Variants in EYS observed in about 807,000 individuals in gnomAD.
The protein encoded by EYS is EGF-like photoreceptor maintenance factor.
A neutral mutation model predicts 282.1 loss-of-function variants in EYS; 250 were observed. The observed-to-expected ratio is 0.89, with a 90% CI of 0.80 to 0.98. The LOEUF is 0.98. Among genes scored for constraint, EYS ranks in the 50% least tolerant of loss-of-function variants. The pLI, the probability that EYS is intolerant of heterozygous loss-of-function variation, is 0.00. For synonymous variants in EYS, 1,355 were observed against 1,282.9 expected, an observed-to-expected ratio of 1.06 and a Z score of -1.20; for missense variants, 4,016 against 3,709.0, an observed-to-expected ratio of 1.08 and a Z score of -2.15.
At chr6:64,045,979 C>T (rs148854890) in intron 33 of EYS, among the ~76,000 whole-genome samples, 11 of 131,962 alleles carry the variant, frequency 8.3e-5, no homozygotes, top group South Asian at 2.5e-4. Flanking sequence ...ATCTATAATA[C>T]GTATGTATTA....
At chr6:64,483,295 C>T (rs1374760535) in intron 26 of EYS, among the ~76,000 whole-genome samples, 1 of 151,624 alleles carries the variant, frequency 6.6e-6, no homozygotes, top group Non-Finnish European at 1.5e-5. Flanking sequence ...CCTGCTGTCT[C>T]CCCTTCAAGG....
At chr6:65,415,891 A>C (rs1014457557) in intron 5 of EYS, among the ~76,000 whole-genome samples, 3 of 152,048 alleles carry the variant, frequency 2.0e-5, no homozygotes, top group African/African-American at 7.2e-5. Context: ...GCAATTAGTG[A>C]ATATATGAGA....
At chr6:64,384,968 G>A (rs921263867) in intron 29 of EYS, among the ~76,000 whole-genome samples, 1 of 152,156 alleles carries the variant, frequency 6.6e-6, no homozygotes, top group South Asian at 2.1e-4. Flanking sequence ...AGGGGTGAGA[G>A]CATAAATGTA....
chr6:65,680,322 C>T (rs1443001725), intron 1 of EYS, among the ~76,000 whole-genome samples: 1 of 151,854 alleles, frequency 6.6e-6, no homozygotes, highest in African/African-American at 2.4e-5. Context: ...AAAGTTCCAA[C>T]CACTTTCAAC....
At chr6:65,397,586 GTGTGTGTGT>G (rs1766333144) in intron 7 of EYS, among the ~76,000 whole-genome samples, 2 of 466 alleles carry the variant, frequency 4.3e-3, no homozygotes, top group South Asian at 0.1. Context: ...ATTTCATGGT[GTGTGTGTGT>G]GTGTGTGTGT....
chr6:63,966,202 A>C (rs551544799), intron 35 of EYS, among the ~76,000 whole-genome samples: 3 of 152,340 alleles, frequency 2.0e-5, no homozygotes, highest in Non-Finnish European at 2.9e-5. Context: ...AAATGAATGA[A>C]CAACATTTGC....
intron 22 of EYS, among the ~76,000 whole-genome samples, chr6:64,689,558 A>T (rs568543717): frequency 6.6e-6 from 1 of 152,208 alleles, no homozygotes; most frequent in East Asian, 1.9e-4. Flanking sequence ...GAGGCATCAC[A>T]CTACCTGACT....
At chr6:63,977,656 A>C (rs1420781934) in intron 35 of EYS, among the ~76,000 whole-genome samples, 1 of 152,006 alleles carries the variant, frequency 6.6e-6, no homozygotes, top group Non-Finnish European at 1.5e-5. Context: ...TCAGGCAACC[A>C]TGGAGTGGCC....
chr6:64,406,849 G>C (rs1367876730), intron 28 of EYS, among the ~76,000 whole-genome samples: 2 of 152,216 alleles, frequency 1.3e-5, no homozygotes, highest in African/African-American at 4.8e-5. Context: ...CTTTTACACT[G>C]TTGGTAGGAG....
chr6:63,838,755 C>T (rs1771873991), intron 36 of EYS, among the ~76,000 whole-genome samples: 1 of 152,100 alleles, frequency 6.6e-6, no homozygotes, highest in Admixed American at 6.6e-5. Context: ...ACAACTTGCA[C>T]TCCAGGTTTT....
intron 35 of EYS, among the ~76,000 whole-genome samples, chr6:63,873,868 A>G (rs942572287): frequency 6.6e-6 from 1 of 151,540 alleles, no homozygotes. Flanking sequence ...AAATTTGTTT[A>G]AGTTCTTTGT....
At chr6:64,346,643 G>A (rs1459450018) in intron 29 of EYS, among the ~76,000 whole-genome samples, 1 of 151,710 alleles carries the variant, frequency 6.6e-6, no homozygotes, top group East Asian at 1.9e-4. Flanking sequence ...CATGGCACAT[G>A]TATACATATG....
chr6:64,141,875 AC>A (rs1562221961), intron 31 of EYS, among the ~76,000 whole-genome samples: 7 of 151,962 alleles, frequency 4.6e-5, no homozygotes, highest in African/African-American at 1.7e-4. Context: ...TCTCCAGTAC[AC>A]TCTCTCCCCC....
chr6:64,507,961 G>A (rs924976990), intron 26 of EYS, among the ~76,000 whole-genome samples: 1 of 152,128 alleles, frequency 6.6e-6, no homozygotes, highest in Non-Finnish European at 1.5e-5. Flanking sequence ...CACTTGAGAC[G>A]GTTCCTGAGT....
intron 33 of EYS, among the ~76,000 whole-genome samples, chr6:64,036,319 C>T (rs537491001): frequency 1.8e-4 from 27 of 152,164 alleles, no homozygotes; most frequent in African/African-American, 4.8e-4. Context: ...GCAGGAGCTA[C>T]GTCTCAGATC....
intron 33 of EYS, among the ~76,000 whole-genome samples, chr6:64,025,873 C>T (rs78346849): frequency 0.027 from 4,074 of 152,268 alleles, 110 homozygotes; most frequent in East Asian, 0.07. Context: ...GGGGTAAAGT[C>T]CCAGTACTAA....
intron 22 of EYS, among the ~76,000 whole-genome samples, chr6:64,762,808 T>C (rs1027088867): frequency 8.5e-5 from 13 of 152,218 alleles, no homozygotes; most frequent in African/African-American, 2.9e-4. Context: ...TACACCACTA[T>C]GTTATTGTCT....
At chr6:63,895,984 G>A (rs187371989) in intron 35 of EYS, among the ~76,000 whole-genome samples, 1 of 130,874 alleles carries the variant, frequency 7.6e-6, no homozygotes, top group African/African-American at 3.0e-5. Flanking sequence ...TGGGCTAAAT[G>A]TTTCTATTAC....
chr6:65,570,308 A>C (rs972857696), intron 2 of EYS, among the ~76,000 whole-genome samples: 3 of 152,190 alleles, frequency 2.0e-5, no homozygotes, highest in African/African-American at 4.8e-5. Flanking sequence ...AATTAGCATC[A>C]TAAATAGCCT....
Sources: gnomAD v4.1 joint callset for allele counts (sites outside exome capture counted in the v4.1 genomes callset) on GRCh38, gnomAD v4.1.1 for gene constraint, MANE v1.5 for transcripts, NCBI Gene and HGNC (gene_info 2026-07-23, HGNC 2026-07-21) for gene names.